Variants in ADAMTS19 observed in about 807,000 individuals in gnomAD.
ADAMTS19 encodes ADAM metallopeptidase with thrombospondin type 1 motif 19, also known as A disintegrin and metalloproteinase with thrombospondin motifs 19.
A neutral mutation model predicts 153.3 loss-of-function variants in ADAMTS19; 93 were observed. The observed-to-expected ratio is 0.61, with a 90% CI of 0.51 to 0.72. ADAMTS19 has a LOEUF of 0.72. ADAMTS19 is among the 30% of genes least tolerant of loss of function. The pLI, the probability that ADAMTS19 is intolerant of heterozygous loss-of-function variation, is 0.00. For missense variants in ADAMTS19, 1,482 were observed against 1,552.1 expected, an observed-to-expected ratio of 0.95 and a Z score of 0.76; for synonymous variants, 600 against 556.6, an observed-to-expected ratio of 1.08 and a Z score of -1.10.
At chr5:129,597,782 G>A (rs961756731) in intron 8 of ADAMTS19, among the ~76,000 whole-genome samples, 18 of 151,838 alleles carry the variant, frequency 1.2e-4, no homozygotes, top group African/African-American at 4.3e-4. Context: ...CGCGCCTGTA[G>A]TCCCAGCTAC....
intron 6 of ADAMTS19, among the ~76,000 whole-genome samples, chr5:129,542,593 T>A (rs1752694354): frequency 6.6e-6 from 1 of 152,154 alleles, no homozygotes; most frequent in South Asian, 2.1e-4. Context: ...GAAAAAGTAG[T>A]TGCATGCTGC....
chr5:129,550,998 A>G (rs750100926), intron 6 of ADAMTS19, among the ~76,000 whole-genome samples: 42 of 151,672 alleles, frequency 2.8e-4, no homozygotes, highest in Non-Finnish European at 4.7e-4. Flanking sequence ...ATATGTGTTA[A>G]TTCATGTCCC....
intron 3 of ADAMTS19, among the ~76,000 whole-genome samples, chr5:129,513,774 G>A (rs996435843): frequency 1.3e-4 from 20 of 151,960 alleles, no homozygotes; most frequent in East Asian, 1.9e-4. Flanking sequence ...CCACTTATGC[G>A]TTGAGATACA....
chr5:129,654,709 A>G lies in ADAMTS19; in HGVS notation c.2304+276A>G, dbSNP rs138266202. Among the ~76,000 whole-genome samples, 359 of 152,286 alleles carry G rather than the reference A, an allele frequency of 2.4e-3. 1 individual carries two copies. Among genetic ancestry groups the G allele is most frequent in the Non-Finnish European group, 4.0e-3 (269 of 68,022 alleles). ...GTAATATATATATTACAGGTTTAAA[A>G]TTGGAGCACTTTGGACATTTTATGT... On this transcript the variant is annotated intron_variant, in intron 14 of 22. Coordinates refer to ENST00000274487, the MANE Select transcript of ADAMTS19 (RefSeq NM_133638.6).
At chr5:129,567,509 A>G (rs928486748) in intron 7 of ADAMTS19, among the ~76,000 whole-genome samples, 3 of 152,154 alleles carry the variant, frequency 2.0e-5, no homozygotes, top group Admixed American at 1.3e-4. Context: ...AAATAAATAG[A>G]AAGAAAAAGC....
At chr5:129,613,910 C>T (rs1265829287) in intron 8 of ADAMTS19, among the ~76,000 whole-genome samples, 19 of 152,290 alleles carry the variant, frequency 1.2e-4, no homozygotes, top group Non-Finnish European at 7.4e-5. Context: ...ATAAACACCT[C>T]TACACAAATA....
intron 2 of ADAMTS19, among the ~76,000 whole-genome samples, chr5:129,497,360 C>T (rs894094912): frequency 6.6e-6 from 1 of 152,036 alleles, no homozygotes; most frequent in Non-Finnish European, 1.5e-5. Flanking sequence ...TGTTCTTTCT[C>T]TATCCTCTTT....
At chr5:129,547,896 A>G (rs1752921253) in intron 6 of ADAMTS19, among the ~76,000 whole-genome samples, 1 of 150,894 alleles carries the variant, frequency 6.6e-6, no homozygotes, top group African/African-American at 2.5e-5. Context: ...CTGATCTTTG[A>G]CAAACCTGAC....
At position 129,647,878 on chromosome 5, in the gene ADAMTS19, A is replaced by C; in HGVS notation, c.1986A>C (p.Arg662=). 1.2e-6 allele frequency: 2 copies of C among 1,613,556 alleles called. No homozygotes were observed. The highest frequency in any genetic ancestry group is 2.2e-5 in the East Asian group (1 of 44,868). Residue 662 remains arginine (R), a synonymous_variant, in exon 12 of 23, where the codon CGA becomes CGC. Coordinates refer to ENST00000274487, the MANE Select transcript of ADAMTS19 (RefSeq NM_133638.6). ...SRTCSAGISS[R]ERKCPGLDSE... ...CCTGCAGTGCTGGGATCAGCAGTCG[A>C]GAGCGCAAATGTCCTGGGTAAACTC...
chr5:129,715,519 G>T (rs1371516629), intron 21 of ADAMTS19, among the ~76,000 whole-genome samples: 2 of 152,148 alleles, frequency 1.3e-5, no homozygotes, highest in Admixed American at 1.3e-4. Flanking sequence ...TATTCGAATT[G>T]TAGTATCAGT....
At chr5:129,627,147 G>A (rs1752086595) in intron 10 of ADAMTS19, among the ~76,000 whole-genome samples, 1 of 152,010 alleles carries the variant, frequency 6.6e-6, no homozygotes, top group African/African-American at 2.4e-5. Flanking sequence ...ATAAGATATT[G>A]GGGACATGAT....
chr5:129,502,750 T>C (rs533828698), intron 2 of ADAMTS19, among the ~76,000 whole-genome samples: 1 of 152,270 alleles, frequency 6.6e-6, no homozygotes, highest in South Asian at 2.1e-4. Flanking sequence ...ATGGATACAT[T>C]TTCTGTTATC....
In ADAMTS19 at chr5:129,654,339, GAAA is replaced by G; in HGVS notation, c.2212_2214del (p.Lys738del). On this transcript the variant is annotated inframe_deletion, in exon 14 of 23. Transcript: ENST00000274487. ...TGTGCCTTGTTTTGCTCTCCTGTTG[GAAA>G]AGAACAGCCTATTCTTCTATCAGAA... 1.2e-6 allele frequency: 2 copies of G among 1,612,378 alleles called. No individual in the cohort carries two copies. The highest frequency in any genetic ancestry group is 1.7e-6 in the Non-Finnish European group (2 of 1,179,542).
rs111306225 is a variant in ADAMTS19 at position 129,627,049 on chromosome 5, T to C, written c.1770+4701T>C. Among the ~76,000 whole-genome samples the C allele has an allele frequency of 5.9e-5, 9 of 152,154 alleles. 1 individual carries two copies. The highest frequency in any genetic ancestry group is 2.2e-4 in the African/African-American group (9 of 41,554). Reference sequence around the variant, plus strand: ...AGAATGCAAAATGCCCTGGAATTCATTGTGGGTCATGTCGTGAGATGCCCA... The same window carrying C: ...AGAATGCAAAATGCCCTGGAATTCACTGTGGGTCATGTCGTGAGATGCCCA... On this transcript the variant is annotated intron_variant, in intron 10 of 22. Transcript: ENST00000274487.
Position 129,664,923 on chromosome 5 carries a change from A to G in ADAMTS19, c.2426-576A>G, listed in dbSNP as rs193293524. ...ACCTAATCATGTCTTGGGTCTAGCT[A>G]TCTGACATCTTCAGAAATGACCCTA... On this transcript the variant is annotated intron_variant, in intron 15 of 22. Coordinates refer to ENST00000274487, the MANE Select transcript of ADAMTS19 (RefSeq NM_133638.6). Among the ~76,000 whole-genome samples the G allele has an allele frequency of 2.5e-3, 382 of 152,208 alleles. 1 individual carries two copies. The highest frequency in any genetic ancestry group is 7.5e-3 in the African/African-American group (311 of 41,540).
intron 16 of ADAMTS19, among the ~76,000 whole-genome samples, chr5:129,674,734 A>G (rs995200762): frequency 2.0e-5 from 3 of 152,066 alleles, no homozygotes; most frequent in African/African-American, 7.2e-5. Flanking sequence ...TCCTATTATC[A>G]GTTTAATTCT....
At chr5:129,639,988 A>G (rs1365736528) in intron 10 of ADAMTS19, among the ~76,000 whole-genome samples, 1 of 152,174 alleles carries the variant, frequency 6.6e-6, no homozygotes, top group African/African-American at 2.4e-5. Context: ...ACAAAGGGGC[A>G]ATATGATTTA....
chr5:129,693,834 G>T (rs1174324857), intron 18 of ADAMTS19, among the ~76,000 whole-genome samples: 1 of 152,122 alleles, frequency 6.6e-6, no homozygotes, highest in Admixed American at 6.6e-5. Context: ...GTAAAAGATG[G>T]TAAGAGTCCC....
At chr5:129,477,530 A>G (rs1750265044) in intron 2 of ADAMTS19, among the ~76,000 whole-genome samples, 1 of 152,204 alleles carries the variant, frequency 6.6e-6, no homozygotes, top group Non-Finnish European at 1.5e-5. Context: ...GTTTAAGAAT[A>G]TGGAAACCCC....
Sources: gnomAD v4.1 joint callset for allele counts (sites outside exome capture counted in the v4.1 genomes callset) on GRCh38, gnomAD v4.1.1 for gene constraint, MANE v1.5 for transcripts, NCBI Gene and HGNC (gene_info 2026-07-23, HGNC 2026-07-21) for gene names.